OSBPL10: variants seen among roughly 807,000 people sequenced by gnomAD.
OSBPL10 encodes the protein oxysterol binding protein like 10.
OSBPL10 carries 49 observed loss-of-function variants against 81.7 expected under a neutral mutation model. The ratio of observed to expected loss-of-function variants is 0.60; its 90% CI spans 0.48 to 0.76. The LOEUF is 0.76. Ranked by LOEUF, OSBPL10 falls within the 30% of genes least tolerant of loss-of-function variation. The pLI, the probability that OSBPL10 is intolerant of heterozygous loss-of-function variation, is 0.00. For missense variants in OSBPL10, 923 were observed against 987.8 expected, an observed-to-expected ratio of 0.93 and a Z score of 0.88; for synonymous variants, 419 against 383.6, an observed-to-expected ratio of 1.09 and a Z score of -1.08.
intron 1 of OSBPL10, among the ~76,000 whole-genome samples, chr3:31,935,599 C>T (rs576461617): frequency 3.2e-4 from 49 of 151,732 alleles, no homozygotes; most frequent in South Asian, 2.5e-3. Flanking sequence ...TCTTGGCTCA[C>T]TGCAACCTCT....
rs575265341 is a variant in OSBPL10, at chr3:31,752,777, A to C, written c.730-4657T>G. ...TGCTTCGGATTTTTCTGAGCTGTAA[A>C]CCCTGTGCAGTTTCAGAGGCACCTG... On this transcript the variant is annotated intron_variant, in intron 4 of 11. Coordinates refer to ENST00000396556, the MANE Select transcript of OSBPL10 (RefSeq NM_017784.5). Among the ~76,000 whole-genome samples, 3 of 152,304 alleles carry C rather than the reference A, an allele frequency of 2.0e-5. No homozygotes were observed. The East Asian group carries it at 5.8e-4, about 29-fold the overall frequency.
chr3:31,754,194 G>C (rs996760146), intron 4 of OSBPL10, among the ~76,000 whole-genome samples: 3 of 152,082 alleles, frequency 2.0e-5, no homozygotes, highest in Non-Finnish European at 2.9e-5. Flanking sequence ...GCAAGGTCCT[G>C]AGCCCCTGGG....
chr3:31,830,188 T>C lies in OSBPL10; in HGVS notation c.581A>G (p.His194Arg). Residue 194 changes from histidine to arginine, a missense_variant, in exon 4 of 12, where the codon CAT (histidine) becomes CGT (arginine). Coordinates refer to ENST00000396556, the MANE Select transcript of OSBPL10 (RefSeq NM_017784.5). ...GGGAGACGCAGAATTGGGTGTTCCATGTGGGAGCAAAGTGAGACTTCGGCT... is the reference window on the plus strand; with the variant it reads ...GGGAGACGCAGAATTGGGTGTTCCACGTGGGAGCAAAGTGAGACTTCGGCT... ...SRSRSLTLLP[H>R]GTPNSASPCS... 4.3e-6 allele frequency: 7 copies of C among 1,614,100 alleles called. No individual in the cohort carries two copies. The highest frequency in any genetic ancestry group is 5.9e-6 in the Non-Finnish European group (7 of 1,179,994).
At chr3:32,075,901 AC>A (rs1329461706) in intron 1 of OSBPL10, among the ~76,000 whole-genome samples, 1 of 152,206 alleles carries the variant, frequency 6.6e-6, no homozygotes, top group Non-Finnish European at 1.5e-5. Context: ...ATGACATTCC[AC>A]CATTGAGATT....
intron 2 of OSBPL10, among the ~76,000 whole-genome samples, chr3:32,034,698 A>G (rs1699502157): frequency 2.0e-5 from 3 of 152,224 alleles, no homozygotes; most frequent in African/African-American, 7.2e-5. Flanking sequence ...CTAATATGCT[A>G]TAATCAGTGA....
chr3:31,866,773 G>C (rs1482429419), intron 3 of OSBPL10, among the ~76,000 whole-genome samples: 1 of 152,090 alleles, frequency 6.6e-6, no homozygotes, highest in Non-Finnish European at 1.5e-5. Flanking sequence ...GTAAGACAGG[G>C]CTCTTACTAC....
chr3:32,003,891 CGGGCTAATACTAA>C (rs1699177765), intron 2 of OSBPL10, among the ~76,000 whole-genome samples: 2 of 152,096 alleles, frequency 1.3e-5, no homozygotes, highest in South Asian at 4.1e-4. Context: ...TTCTAGAACA[CGGGCTAATACTAA>C]GGGCTCTTTT....
At chr3:31,985,998 G>A (rs1182917898), upstream of OSBPL10, among the ~76,000 whole-genome samples, 1 of 152,126 alleles carries the variant, frequency 6.6e-6, no homozygotes, top group Admixed American at 6.5e-5. Flanking sequence ...CTGAGCGTGA[G>A]TTCTTAGCCA....
intron 1 of OSBPL10, among the ~76,000 whole-genome samples, chr3:31,949,155 C>T (rs1697789353): frequency 1.3e-5 from 2 of 152,130 alleles, no homozygotes; most frequent in South Asian, 2.1e-4. Flanking sequence ...GTTTCTTAGC[C>T]CAATGCAAAT....
intron 2 of OSBPL10, among the ~76,000 whole-genome samples, chr3:32,038,097 T>A (rs375517399): frequency 6.6e-6 from 1 of 152,322 alleles, no homozygotes; most frequent in East Asian, 1.9e-4. Flanking sequence ...AAAGTATGGC[T>A]TTCCACAGTC....
At chr3:31,768,606 T>C (rs1003812243) in intron 4 of OSBPL10, among the ~76,000 whole-genome samples, 7 of 152,182 alleles carry the variant, frequency 4.6e-5, no homozygotes, top group Non-Finnish European at 1.0e-4. Flanking sequence ...CAGGGATAAA[T>C]TGGCCTATGT....
intron 2 of OSBPL10, among the ~76,000 whole-genome samples, chr3:31,988,048 A>T (rs2125517755): frequency 6.6e-6 from 1 of 152,348 alleles, no homozygotes; most frequent in South Asian, 2.1e-4. Flanking sequence ...CCAGGCCTTG[A>T]GACCTAATCA....
At chr3:31,992,672 A>G (rs891503419) in intron 2 of OSBPL10, among the ~76,000 whole-genome samples, 5 of 152,182 alleles carry the variant, frequency 3.3e-5, no homozygotes, top group African/African-American at 1.2e-4. Flanking sequence ...TCAACAAGTG[A>G]TGGAACTAGA....
chr3:31,707,537 C>CA (rs1399836514), intron 6 of OSBPL10: 1 of 152,110 alleles, frequency 6.6e-6, no homozygotes, highest in Non-Finnish European at 1.5e-5. Context: ...TGAGCCATAC[C>CA]AAAAAACCTT....
intron 4 of OSBPL10, among the ~76,000 whole-genome samples, chr3:31,806,133 T>C (rs1699517401): frequency 2.6e-5 from 4 of 152,104 alleles, no homozygotes; most frequent in Admixed American, 2.6e-4. Flanking sequence ...CCTCCACCTA[T>C]CATGCCGTCA....
chr3:31,822,014 T>TCTTTA (rs1699991738), intron 4 of OSBPL10: 1 of 152,236 alleles, frequency 6.6e-6, no homozygotes, highest in South Asian at 2.1e-4. Flanking sequence ...GGGAACTTCA[T>TCTTTA]TAAAGGGTCT....
chr3:31,909,084 CTT>C (rs1165156307), intron 1 of OSBPL10, among the ~76,000 whole-genome samples: 1 of 152,182 alleles, frequency 6.6e-6, no homozygotes, highest in African/African-American at 2.4e-5. Flanking sequence ...TGTGTTAAGT[CTT>C]TTTACTTTAT....
chr3:31,924,225 AAAAAGAAAGAAAG>A (rs1697002818), intron 1 of OSBPL10, among the ~76,000 whole-genome samples: 2 of 150,998 alleles, frequency 1.3e-5, no homozygotes, highest in Admixed American at 6.6e-5. Flanking sequence ...TCTAAAAAAA[AAAAAGAAAGAAAG>A]AAAAGAAAAA....
intron 7 of OSBPL10, among the ~76,000 whole-genome samples, chr3:31,685,104 G>T (rs990524137): frequency 1.3e-5 from 2 of 152,186 alleles, no homozygotes; most frequent in African/African-American, 2.4e-5. Context: ...CTGAAACTGG[G>T]AAGCCCATAA....
Sources: gnomAD v4.1 joint callset for allele counts (sites outside exome capture counted in the v4.1 genomes callset) on GRCh38, gnomAD v4.1.1 for gene constraint, MANE v1.5 for transcripts, NCBI Gene and HGNC (gene_info 2026-07-23, HGNC 2026-07-21) for gene names.